The following DMXL2 variants were observed in gnomAD, a reference collection of about 807,000 sequenced individuals.
The protein encoded by DMXL2 is dmX-like protein 2.
DMXL2 carries 103 observed loss-of-function variants against 331.1 expected under a neutral mutation model. The observed-to-expected ratio is 0.31, with a 90% CI of 0.27 to 0.37. The LOEUF (loss-of-function observed/expected upper bound fraction) is 0.37. DMXL2 is among the 10% of genes least tolerant of loss of function. The probability of loss-of-function intolerance (pLI) is 1.00; values close to 1 mark genes in which losing one functional copy is unlikely to be tolerated. For missense variants in DMXL2, 3,171 were observed against 3,642.9 expected, an observed-to-expected ratio of 0.87 and a Z score of 3.33; for synonymous variants, 1,281 against 1,252.1, an observed-to-expected ratio of 1.02 and a Z score of -0.49.
At chr15:51,616,492 G>A (rs1191580741) in intron 1 of DMXL2, among the ~76,000 whole-genome samples, 4 of 152,194 alleles carry the variant, frequency 2.6e-5, no homozygotes, top group Non-Finnish European at 5.9e-5. Flanking sequence ...TGTCACCTTT[G>A]TTAAGATGTA....
intron 13 of DMXL2, among the ~76,000 whole-genome samples, chr15:51,529,511 G>T (rs2047880439): frequency 6.6e-6 from 1 of 152,004 alleles, no homozygotes; most frequent in Non-Finnish European, 1.5e-5. Flanking sequence ...TACAAGAAAT[G>T]GACAAATTCT....
At chr15:51,607,985 A>G (rs991129831) in intron 1 of DMXL2, among the ~76,000 whole-genome samples, 1 of 152,162 alleles carries the variant, frequency 6.6e-6, no homozygotes, top group African/African-American at 2.4e-5. Context: ...CAGGAGTTCA[A>G]GACCAGCCTG....
At chr15:51,512,724 G>A (rs1002421872) in intron 15 of DMXL2, among the ~76,000 whole-genome samples, 1 of 151,790 alleles carries the variant, frequency 6.6e-6, no homozygotes, top group Non-Finnish European at 1.5e-5. Flanking sequence ...GCTGAGGCAG[G>A]AGAATTGCTT....
intron 36 of DMXL2, 61 bp downstream of exon 36, chr15:51,458,445 A>G: frequency 5.2e-6 from 8 of 1,549,904 alleles, no homozygotes; most frequent in African/African-American, 1.4e-5. Context: ...AATCATGTGC[A>G]TAACCATTTG....
intron 42 of DMXL2, chr15:51,450,621 T>A (rs2039047847): frequency 2.5e-6 from 1 of 405,232 alleles, no homozygotes; most frequent in Non-Finnish European, 4.6e-6. Context: ...TACTGCCTCA[T>A]AAAAAGTATA....
At chr15:51,456,432 T>C in intron 37 of DMXL2, 63 bp from the exon 38 acceptor site, 1 of 995,944 alleles carries the variant, frequency 1.0e-6, no homozygotes, top group Non-Finnish European at 1.5e-6. Flanking sequence ...AAGGATATGC[T>C]TCAGGATAAA....
intron 14 of DMXL2, 25 bp from the exon 15 acceptor site, chr15:51,514,584 A>G: frequency 7.0e-7 from 1 of 1,437,940 alleles, no homozygotes; most frequent in Non-Finnish European, 9.6e-7. Context: ...AAAAATGAAG[A>G]GGTTTTATCT....
intron 1 of DMXL2, among the ~76,000 whole-genome samples, chr15:51,598,438 A>C (rs559510517): frequency 5.9e-5 from 9 of 152,200 alleles, no homozygotes; most frequent in Non-Finnish European, 1.3e-4. Context: ...CGGGCAATGG[A>C]TACTGATAAA....
At chr15:51,540,446 T>C (rs1040131893) in intron 9 of DMXL2, among the ~76,000 whole-genome samples, 10 of 152,138 alleles carry the variant, frequency 6.6e-5, no homozygotes, top group East Asian at 1.9e-4. Context: ...ATTTAGGGTA[T>C]TGTAATCAAC....
At chr15:51,549,999 C>G (rs371889727) in intron 6 of DMXL2, among the ~76,000 whole-genome samples, 1 of 152,150 alleles carries the variant, frequency 6.6e-6, no homozygotes, top group Non-Finnish European at 1.5e-5. Context: ...ACCAATATCC[C>G]TGATGAATAT....
At chr15:51,475,947 T>C (rs373975811) in intron 27 of DMXL2, among the ~76,000 whole-genome samples, 11 of 152,268 alleles carry the variant, frequency 7.2e-5, no homozygotes, top group Middle Eastern at 3.4e-3. Context: ...ATGTTAACAT[T>C]TGGGGAATCT....
At chr15:51,607,850 TCTAC>T (rs2053695512) in intron 1 of DMXL2, among the ~76,000 whole-genome samples, 1 of 152,178 alleles carries the variant, frequency 6.6e-6, no homozygotes, top group Non-Finnish European at 1.5e-5. Flanking sequence ...ACTGCCATGC[TCTAC>T]CTACCTGTCT....
At chr15:51,537,411 C>T in intron 11 of DMXL2, 77 bp downstream of exon 11, 2 of 1,416,044 alleles carry the variant, frequency 1.4e-6, no homozygotes, top group South Asian at 3.0e-5. Flanking sequence ...ATTCTAAAAA[C>T]ATGCTAACTC....
Position 51,481,231 on chromosome 15 carries a change from G to C in DMXL2, c.5875C>G (p.Gln1959Glu). The change falls in exon 24 of 44, where the codon CAG (glutamine) becomes GAG (glutamate). Residue 1959 changes from glutamine to glutamate, a missense_variant. By Grantham distance (29) the Gln-to-Glu change is conservative. Transcript: ENST00000560891. The stretch of plus-strand genomic sequence containing the variant: ...ACTATTGGCTGACTCCAGTCATACT[G>C]TGATGAAGTTACATTTGACCATTCA... ...GIEWSNVTSS[Q>E]YDWSQPIVKV... 1.9e-6 allele frequency: 3 copies of C among 1,613,936 alleles called. No individual in the cohort carries two copies. Among genetic ancestry groups the C allele is most frequent in the Non-Finnish European group, 2.5e-6 (3 of 1,179,932 alleles).
chr15:51,524,788 G>C (rs1453445653), intron 13 of DMXL2, among the ~76,000 whole-genome samples: 1 of 152,016 alleles, frequency 6.6e-6, no homozygotes. Context: ...GGTTCTCTGG[G>C]GCCTTAAATA....
intron 1 of DMXL2, among the ~76,000 whole-genome samples, chr15:51,582,312 G>GT (rs919583753): frequency 1.1e-4 from 16 of 152,192 alleles, no homozygotes; most frequent in African/African-American, 3.9e-4. Context: ...CCTCTTTACT[G>GT]TTTTTTCCAC....
At chr15:51,571,525 A>G (rs2050668508) in intron 2 of DMXL2, among the ~76,000 whole-genome samples, 1 of 152,214 alleles carries the variant, frequency 6.6e-6, no homozygotes, top group Non-Finnish European at 1.5e-5. Context: ...AATTGACCAC[A>G]TAATTGGAAG....
At chr15:51,618,313 C>CTT (rs10577626) in intron 1 of DMXL2, among the ~76,000 whole-genome samples, 1 of 145,742 alleles carries the variant, frequency 6.9e-6, no homozygotes. Context: ...TCTTGTAATT[C>CTT]TTTTTTTTTT....
At chr15:51,477,205 T>C (rs971532038) in intron 26 of DMXL2, among the ~76,000 whole-genome samples, 2 of 152,026 alleles carry the variant, frequency 1.3e-5, no homozygotes, top group East Asian at 1.9e-4. Context: ...TAAAACCAAA[T>C]GTCCCTAAAT....
Sources: gnomAD v4.1 joint callset for allele counts (sites outside exome capture counted in the v4.1 genomes callset) on GRCh38, gnomAD v4.1.1 for gene constraint, MANE v1.5 for transcripts, NCBI Gene and HGNC (gene_info 2026-07-23, HGNC 2026-07-21) for gene names.